LRP1B: variants seen among roughly 807,000 people sequenced by gnomAD.
LRP1B encodes LDL receptor related protein 1B.
LRP1B carries 217 observed loss-of-function variants against 556.6 expected under a neutral mutation model. The ratio of observed to expected loss-of-function variants is 0.39; its 90% confidence interval spans 0.35 to 0.44. LRP1B has a LOEUF of 0.44. Among genes scored for constraint, LRP1B ranks in the 20% least tolerant of loss-of-function variants. LRP1B has a pLI of 1.00. For synonymous variants in LRP1B, 2,047 were observed against 1,865.8 expected (o/e 1.10, Z -2.50); for missense variants, 5,053 against 5,620.8 (o/e 0.90, Z 3.23).
chr2:140,692,987 A>T (rs987858219), intron 41 of LRP1B, among the ~76,000 whole-genome samples: 7 of 152,122 alleles, frequency 4.6e-5, no homozygotes, highest in African/African-American at 1.7e-4. Flanking sequence ...CATTTTTTGC[A>T]TATAAATTGT....
At chr2:141,575,741 A>C (rs1480130296) in intron 2 of LRP1B, among the ~76,000 whole-genome samples, 1 of 151,958 alleles carries the variant, frequency 6.6e-6, no homozygotes, top group Non-Finnish European at 1.5e-5. Context: ...GAACTTAAAC[A>C]ATATTTACAA....
intron 2 of LRP1B, among the ~76,000 whole-genome samples, chr2:141,596,752 T>C (rs1297484981): frequency 6.6e-6 from 1 of 152,032 alleles, no homozygotes; most frequent in African/African-American, 2.4e-5. Flanking sequence ...AACCAAGATA[T>C]AGTACATAGA....
At chr2:142,074,972 C>T (rs760843377) in intron 1 of LRP1B, among the ~76,000 whole-genome samples, 4 of 152,174 alleles carry the variant, frequency 2.6e-5, no homozygotes, top group Non-Finnish European at 5.9e-5. Flanking sequence ...TCCACAAAAA[C>T]TTCTAGCTCC....
At chr2:141,746,064 G>A (rs761353637) in intron 2 of LRP1B, among the ~76,000 whole-genome samples, 1 of 152,166 alleles carries the variant, frequency 6.6e-6, no homozygotes, top group East Asian at 1.9e-4. Flanking sequence ...TCCCCAAGAG[G>A]AAGGAAGGGT....
At chr2:141,372,597 T>C (rs890398966) in intron 3 of LRP1B, among the ~76,000 whole-genome samples, 3 of 152,220 alleles carry the variant, frequency 2.0e-5, no homozygotes, top group Admixed American at 6.5e-5. Context: ...GGGGTTCTTC[T>C]TGGTTCAATC....
intron 2 of LRP1B, among the ~76,000 whole-genome samples, chr2:141,628,557 C>T (rs1234359060): frequency 6.6e-6 from 1 of 152,064 alleles, no homozygotes; most frequent in Non-Finnish European, 1.5e-5. Context: ...ACATGATGAA[C>T]AAGGTAAGAT....
At chr2:140,771,695 A>T (rs947361755) in intron 33 of LRP1B, among the ~76,000 whole-genome samples, 1 of 152,182 alleles carries the variant, frequency 6.6e-6, no homozygotes, top group Non-Finnish European at 1.5e-5. Context: ...TACTAGGCCC[A>T]GTGTGCTAAT....
At chr2:141,946,169 G>A (rs1700949788) in intron 1 of LRP1B, among the ~76,000 whole-genome samples, 2 of 151,932 alleles carry the variant, frequency 1.3e-5, no homozygotes, top group Admixed American at 6.6e-5. Flanking sequence ...TTTCACTGGT[G>A]CTCTGTCTGC....
rs79897570 is a variant in LRP1B, at chr2:141,680,814, C to T, written c.205+129465G>A. Among the ~76,000 whole-genome samples, 318 of 152,150 alleles carry T rather than the reference C, an allele frequency of 2.1e-3. 2 individuals carry two copies. Among genetic ancestry groups the T allele is most frequent in the African/African-American group, 7.0e-3 (292 of 41,520 alleles). On this transcript the variant is annotated intron_variant, in intron 2 of 90. Coordinates refer to ENST00000389484, the MANE Select transcript of LRP1B (RefSeq NM_018557.3). ...TGCCTAATTATTTATGAAAGAAATG[C>T]TGGTAGCAGTAACTATTTTATTATT...
intron 41 of LRP1B, among the ~76,000 whole-genome samples, chr2:140,627,238 A>G (rs1683696751): frequency 6.6e-6 from 1 of 152,158 alleles, no homozygotes; most frequent in Admixed American, 6.6e-5. Flanking sequence ...GATGCAAGTT[A>G]TTGTTCCTGG....
intron 7 of LRP1B, among the ~76,000 whole-genome samples, chr2:141,096,673 A>AGGGAGG: frequency 7.7e-6 from 1 of 130,516 alleles, no homozygotes; most frequent in Non-Finnish European, 1.6e-5. Context: ...AGAGAGAGAG[A>AGGGAGG]GAGAGAGAGA....
intron 3 of LRP1B, among the ~76,000 whole-genome samples, chr2:141,421,459 G>T (rs555039552): frequency 1.0e-4 from 15 of 149,946 alleles, no homozygotes; most frequent in African/African-American, 3.4e-4. Context: ...AACCCGGGAG[G>T]CGGAGCTTGC....
At chr2:141,681,877 A>C (rs557594448) in intron 2 of LRP1B, among the ~76,000 whole-genome samples, 6 of 152,270 alleles carry the variant, frequency 3.9e-5, no homozygotes, top group South Asian at 4.1e-4. Flanking sequence ...GAGAAAGAAG[A>C]GTTCCAATAG....
chr2:140,888,960 C>CAAA lies in LRP1B; in HGVS notation c.3767-2628_3767-2626dup, dbSNP rs35546727. The stretch of plus-strand genomic sequence containing the variant: ...CCTGCGCAATAAAGTGAGTCTGTCT[C>CAAA]AAAAAAAAAAAAAAAAAAAACTTGA... On this transcript the variant is annotated intron_variant, in intron 23 of 90. Coordinates refer to ENST00000389484, the MANE Select transcript of LRP1B (RefSeq NM_018557.3). Among the ~76,000 whole-genome samples the CAAA allele has an allele frequency of 6.4e-4, 50 of 77,984 alleles. 1 individual carries two copies. Among genetic ancestry groups the CAAA allele is most frequent in the African/African-American group, 1.9e-3 (42 of 22,210 alleles). The allele number at this position is 77,984 out of a possible 152,430, so 51.2% of individuals were successfully genotyped here. A position where few individuals can be genotyped will look rare whatever the true frequency, so the allele number is the denominator to read the frequency against.
At position 141,762,873 on chromosome 2, in the gene LRP1B, C is replaced by T. The variant is rs373385257; in HGVS notation, c.205+47406G>A. ...GATAGGCTTCACAGGAATTTAGTTA[C>T]CAGGTCACATCCCAATCTCTCTTTC... On this transcript the variant is annotated intron_variant, in intron 2 of 90. Coordinates refer to ENST00000389484, the MANE Select transcript of LRP1B (RefSeq NM_018557.3). 1.6e-4 allele frequency among the ~76,000 whole-genome samples: 25 copies of T among 152,276 alleles called. No homozygotes were observed. The East Asian group carries it at 3.7e-3, about 22-fold the overall frequency.
chr2:142,059,724 T>C (rs1704831422), intron 1 of LRP1B, among the ~76,000 whole-genome samples: 1 of 152,098 alleles, frequency 6.6e-6, no homozygotes, highest in Non-Finnish European at 1.5e-5. Context: ...CTGCCTTATT[T>C]TTATTTCTGA....
chr2:141,520,410 C>T (rs985822925), intron 2 of LRP1B, among the ~76,000 whole-genome samples: 2 of 151,986 alleles, frequency 1.3e-5, no homozygotes, highest in Non-Finnish European at 2.9e-5. Flanking sequence ...CAACAGAGCT[C>T]GCTTAACTCT....
At chr2:141,304,970 G>A (rs373044200) in intron 3 of LRP1B, among the ~76,000 whole-genome samples, 12 of 152,088 alleles carry the variant, frequency 7.9e-5, no homozygotes, top group African/African-American at 2.2e-4. Flanking sequence ...ATGTGTTTTC[G>A]TACCAATATT....
intron 2 of LRP1B, among the ~76,000 whole-genome samples, chr2:141,688,759 G>A (rs980942407): frequency 6.6e-6 from 1 of 151,760 alleles, no homozygotes; most frequent in Non-Finnish European, 1.5e-5. Flanking sequence ...AAGTCATTAC[G>A]TCTATGTATC....
Sources: gnomAD v4.1 joint callset for allele counts (sites outside exome capture counted in the v4.1 genomes callset) on GRCh38, gnomAD v4.1.1 for gene constraint, MANE v1.5 for transcripts, NCBI Gene and HGNC (gene_info 2026-07-23, HGNC 2026-07-21) for gene names.